MB21D2: variants seen among roughly 807,000 people sequenced by gnomAD.
MB21D2 encodes the protein Mab-21 domain containing 2.
A neutral mutation model predicts 33.3 loss-of-function variants in MB21D2; 9 were observed. The ratio of observed to expected loss-of-function variants is 0.27; its 90% confidence interval spans 0.16 to 0.47. The LOEUF is 0.47. MB21D2 is among the 20% of genes least tolerant of loss of function. The pLI is 0.99. For missense variants in MB21D2, 540 were observed against 624.6 expected, an observed-to-expected ratio of 0.86 and a Z score of 1.44; for synonymous variants, 241 against 236.3, an observed-to-expected ratio of 1.02 and a Z score of -0.18.
chr3:192,877,031 C>T (rs1388305194), intron 1 of MB21D2, among the ~76,000 whole-genome samples: 2 of 152,024 alleles, frequency 1.3e-5, no homozygotes, highest in Non-Finnish European at 2.9e-5. Context: ...TTAATACAGG[C>T]TTATGGGTGG....
At chr3:192,825,124 C>A (rs1349804573) in intron 1 of MB21D2, among the ~76,000 whole-genome samples, 2 of 152,194 alleles carry the variant, frequency 1.3e-5, no homozygotes, top group Non-Finnish European at 2.9e-5. Flanking sequence ...GAATCGAGGT[C>A]TGGTGATATT....
chr3:192,816,238 T>A (rs1711921582), intron 1 of MB21D2, among the ~76,000 whole-genome samples: 1 of 150,912 alleles, frequency 6.6e-6, no homozygotes, highest in African/African-American at 2.5e-5. Flanking sequence ...AAAAAGATGG[T>A]TCCGACTTGA....
rs181966995 is a variant in MB21D2, at chr3:192,870,916, C to T, written c.211+46714G>A. Among the ~76,000 whole-genome samples the T allele has an allele frequency of 9.7e-4, 148 of 152,210 alleles. 1 individual carries two copies. The highest frequency in any genetic ancestry group is 3.4e-3 in the African/African-American group (141 of 41,516). Reference sequence around the variant, plus strand: ...TAATTCTATACCTCTCTCCTTCCAACCAATGTGAGGACAGTTGGTTATTAC... The same window carrying T: ...TAATTCTATACCTCTCTCCTTCCAATCAATGTGAGGACAGTTGGTTATTAC... On this transcript the variant is annotated intron_variant, in intron 1 of 1. Coordinates refer to ENST00000392452, the MANE Select transcript of MB21D2 (RefSeq NM_178496.4).
At chr3:192,872,636 A>G (rs1272792811) in intron 1 of MB21D2, among the ~76,000 whole-genome samples, 3 of 152,196 alleles carry the variant, frequency 2.0e-5, no homozygotes, top group African/African-American at 7.2e-5. Flanking sequence ...AATACAGAGA[A>G]AAGAATCATG....
Position 192,799,343 on chromosome 3 carries a change from A to C in MB21D2, c.519T>G (p.Gly173=). 6.8e-6 allele frequency: 11 copies of C among 1,614,210 alleles called. No individual in the cohort carries two copies. Among genetic ancestry groups the C allele is most frequent in the Non-Finnish European group, 9.3e-6 (11 of 1,180,032 alleles). The change falls in exon 2 of 2, where the codon GGT becomes GGG. Residue 173 remains glycine, a synonymous_variant. Transcript: ENST00000392452. This position sits in a 1 kb window ranked among gnomAD's most constrained non-coding sequence, Gnocchi z 4.1. ...DCCTIVDHIN[G]ATNYFFSPTK... ...TAGGTGAGAAGAAGTAGTTGGTGGC[A>C]CCATTGATGTGATCTACAATGGTGC...
chr3:192,906,239 C>G (rs1322078839), intron 1 of MB21D2, among the ~76,000 whole-genome samples: 1 of 152,006 alleles, frequency 6.6e-6, no homozygotes, highest in Non-Finnish European at 1.5e-5. Context: ...ACTTGTAATC[C>G]AACTCTTCTA....
At chr3:192,909,099 C>CA (rs201504743) in intron 1 of MB21D2, among the ~76,000 whole-genome samples, 1,701 of 151,430 alleles carry the variant, frequency 0.011, 29 homozygotes, top group African/African-American at 0.039. Flanking sequence ...ACTAAAAATA[C>CA]AAAAAAATTA....
intron 1 of MB21D2, among the ~76,000 whole-genome samples, chr3:192,811,492 C>A (rs1232492654): frequency 6.6e-6 from 1 of 152,166 alleles, no homozygotes; most frequent in East Asian, 1.9e-4. Flanking sequence ...GGATTACTTG[C>A]TCTTTCCCAC....
intron 1 of MB21D2, among the ~76,000 whole-genome samples, chr3:192,858,467 C>A (rs1712967860): frequency 6.6e-6 from 1 of 152,074 alleles, no homozygotes; most frequent in Admixed American, 6.6e-5. Flanking sequence ...GTCTGAAGAC[C>A]AATACATCAA....
intron 1 of MB21D2, among the ~76,000 whole-genome samples, chr3:192,839,393 G>T (rs1206827659): frequency 1.3e-5 from 2 of 152,082 alleles, no homozygotes; most frequent in African/African-American, 2.4e-5. Context: ...TCCTACCTGT[G>T]GTGTTCCTGG....
At chr3:192,804,853 C>T (rs1016872586) in intron 1 of MB21D2, among the ~76,000 whole-genome samples, 5 of 152,170 alleles carry the variant, frequency 3.3e-5, no homozygotes, top group African/African-American at 1.2e-4. Flanking sequence ...GTCAAGCTTA[C>T]CTGACATTCT....
At position 192,898,818 on chromosome 3, in the gene MB21D2, G is replaced by A. The variant is rs374481179; in HGVS notation, c.211+18812C>T. On this transcript the variant is annotated intron_variant, in intron 1 of 1. Coordinates refer to ENST00000392452, the MANE Select transcript of MB21D2 (RefSeq NM_178496.4). ...CAGGGAAAAATTTGACCTGTTCTAG[G>A]CTGGCCCAAAAGGCCTCCCCAAGAA... Among the ~76,000 whole-genome samples the A allele has an allele frequency of 5.3e-5, 8 of 152,200 alleles. No individual in the cohort carries two copies. The East Asian group carries it at 7.7e-4, about 15-fold the overall frequency.
intron 1 of MB21D2, among the ~76,000 whole-genome samples, chr3:192,817,895 T>C (rs1412344255): frequency 2.5e-5 from 3 of 121,888 alleles, no homozygotes; most frequent in African/African-American, 6.0e-5. Flanking sequence ...GAGGCCAATC[T>C]CCATTTTCGT....
intron 1 of MB21D2, among the ~76,000 whole-genome samples, chr3:192,830,237 T>TGA (rs1560233357): frequency 2.0e-5 from 2 of 98,392 alleles, no homozygotes; most frequent in African/African-American, 1.1e-4. Context: ...GATGAGTGTG[T>TGA]GTGAGTGTGT....
At chr3:192,803,645 A>G (rs1205571992) in intron 1 of MB21D2, among the ~76,000 whole-genome samples, 1 of 152,258 alleles carries the variant, frequency 6.6e-6, no homozygotes, top group Non-Finnish European at 1.5e-5. Flanking sequence ...GACATCAGCT[A>G]TCATGGCAGA....
chr3:192,899,701 A>G lies in MB21D2; in HGVS notation c.211+17929T>C, dbSNP rs1264027083. On this transcript the variant is annotated intron_variant, in intron 1 of 1. Coordinates refer to ENST00000392452, the MANE Select transcript of MB21D2 (RefSeq NM_178496.4). Reference sequence around the variant, plus strand: ...GTAGTGGCCTGGCCTATGGTGACGGAATGGAGAGAAGAAAACATAGTCCAA... The same window carrying G: ...GTAGTGGCCTGGCCTATGGTGACGGGATGGAGAGAAGAAAACATAGTCCAA... Among the ~76,000 whole-genome samples, 7 of 152,108 alleles carry G rather than the reference A, an allele frequency of 4.6e-5. No homozygotes were observed. In the East Asian group the frequency reaches 1.4e-3, roughly 29 times the overall value.
Position 192,799,512 on chromosome 3 carries a change from T to C in MB21D2, c.350A>G (p.Asp117Gly). Residue 117 changes from aspartate to glycine, a missense_variant, in exon 2 of 2, where the codon GAC becomes GGC. Asp to Gly is a moderately conservative substitution (Grantham distance 94). Coordinates refer to ENST00000392452, the MANE Select transcript of MB21D2 (RefSeq NM_178496.4). This position sits in a 1 kb window ranked among gnomAD's most constrained non-coding sequence, Gnocchi z 4.1. The part of the protein sequence containing the change: ...VYARGTDYDM[D>G]FTLLVPALKL... ...GAGGGCTGGCACCAAGAGGGTAAAG[T>C]CCATATCATAGTCAGTACCCCGGGC... 6.2e-7 allele frequency: 1 copy of C among 1,614,076 alleles called. No individual in the cohort carries two copies. The highest frequency in any genetic ancestry group is 8.5e-7 in the Non-Finnish European group (1 of 1,179,996).
At chr3:192,882,953 G>A (rs1363617932) in intron 1 of MB21D2, among the ~76,000 whole-genome samples, 2 of 151,372 alleles carry the variant, frequency 1.3e-5, no homozygotes, top group East Asian at 1.9e-4. Context: ...GGCTGGTCTC[G>A]AACTCCTGAC....
At chr3:192,915,405 T>A (rs1463194130) in intron 1 of MB21D2, among the ~76,000 whole-genome samples, 1 of 152,206 alleles carries the variant, frequency 6.6e-6, no homozygotes, top group Non-Finnish European at 1.5e-5. Context: ...TCCACTTGTG[T>A]AGAGCAGCCA....
Sources: gnomAD v4.1 joint callset for allele counts (sites outside exome capture counted in the v4.1 genomes callset) on GRCh38, gnomAD v4.1.1 for gene constraint, Gnocchi (gnomAD v3.1) non-coding constraint, MANE v1.5 for transcripts, NCBI Gene and HGNC (gene_info 2026-07-23, HGNC 2026-07-21) for gene names.